Variants in HIPK3 observed in about 807,000 individuals in gnomAD.
HIPK3 encodes the protein homeodomain interacting protein kinase 3.
Under a neutral mutation model 124.2 loss-of-function variants are expected in HIPK3, and 47 were observed. That is an observed-to-expected ratio of 0.38 (90% confidence interval 0.30 to 0.48). The LOEUF is 0.48. Among genes scored for constraint, HIPK3 ranks in the 20% least tolerant of loss-of-function variants. HIPK3 has a pLI of 0.98. For missense variants in HIPK3, 1,286 were observed against 1,454.3 expected, an observed-to-expected ratio of 0.88 and a Z score of 1.88; for synonymous variants, 482 against 515.2, an observed-to-expected ratio of 0.94 and a Z score of 0.87.
At chr11:33,301,821 G>GACACACGCACACACACACACAC (rs1852007304) in intron 2 of HIPK3, among the ~76,000 whole-genome samples, 3 of 127,470 alleles carry the variant, frequency 2.4e-5, no homozygotes, top group Non-Finnish European at 5.0e-5. Flanking sequence ...AACCCTGTCT[G>GACACACGCACACACACACACAC]ACACACACAC....
At chr11:33,276,583 T>C (rs1167190440) in intron 1 of HIPK3, among the ~76,000 whole-genome samples, 1 of 152,240 alleles carries the variant, frequency 6.6e-6, no homozygotes, top group Non-Finnish European at 1.5e-5. Flanking sequence ...AGGTGACTGC[T>C]TCACTTTGGT....
At chr11:33,313,836 T>A (rs1181832261) in intron 2 of HIPK3, among the ~76,000 whole-genome samples, 1 of 152,154 alleles carries the variant, frequency 6.6e-6, no homozygotes, top group Non-Finnish European at 1.5e-5. Context: ...AATGTGTTTA[T>A]TTTATTTTTA....
chr11:33,298,303 A>G (rs1254779301), intron 2 of HIPK3, among the ~76,000 whole-genome samples: 2 of 152,210 alleles, frequency 1.3e-5, no homozygotes, highest in Non-Finnish European at 2.9e-5. Context: ...CATGCTGTTG[A>G]GACCTACTGC....
In HIPK3 at chr11:33,351,668, C is replaced by T; in HGVS notation, c.2868C>T (p.Asp956=). ...CGGTGGATGGCTCTCCGACATCTGA[C>T]TCTTCCGGGCATGACAGTCCATTTG... ...CDTVDGSPTS[D]SSGHDSPFAE... is the part of the protein sequence containing the mutation. The change falls in exon 15 of 17, where the codon GAC becomes GAT. Residue 956 remains aspartate (D), a synonymous_variant. Coordinates refer to ENST00000303296, the MANE Select transcript of HIPK3 (RefSeq NM_005734.5). 6.2e-7 allele frequency: 1 copy of T among 1,614,220 alleles called. No individual in the cohort carries two copies. The highest frequency in any genetic ancestry group is 8.5e-7 in the Non-Finnish European group (1 of 1,180,044).
Position 33,286,818 on chromosome 11 carries a change from A to G in HIPK3, c.404A>G (p.Asp135Gly). The change falls in exon 2 of 17, where the codon GAT becomes GGT. Residue 135 changes from aspartate (D) to glycine (G), a missense_variant. Asp to Gly is a moderately conservative substitution (Grantham distance 94). Coordinates refer to ENST00000303296, the MANE Select transcript of HIPK3 (RefSeq NM_005734.5). ...TTGAAGCGCAAGAGTGAGGAGTTGGATAATCATAGCAGCGCAATGCAGATT... is the reference window on the plus strand; with the variant it reads ...TTGAAGCGCAAGAGTGAGGAGTTGGGTAATCATAGCAGCGCAATGCAGATT... ...CGLKRKSEELDNHSSAMQIVD... is the reference protein window; with the variant it reads ...CGLKRKSEELGNHSSAMQIVD... 1 of 1,614,196 alleles carries G rather than the reference A, an allele frequency of 6.2e-7. No homozygotes were observed. The highest frequency in any genetic ancestry group is 8.5e-7 in the Non-Finnish European group (1 of 1,180,030).
intron 2 of HIPK3, among the ~76,000 whole-genome samples, chr11:33,327,028 A>C (rs918846843): frequency 6.6e-6 from 1 of 152,094 alleles, no homozygotes; most frequent in Non-Finnish European, 1.5e-5. Flanking sequence ...ATGGATTATA[A>C]CTCATTGAAC....
intron 3 of HIPK3, among the ~76,000 whole-genome samples, chr11:33,334,751 A>G (rs1005914065): frequency 1.3e-5 from 2 of 152,300 alleles, no homozygotes; most frequent in East Asian, 3.9e-4. Context: ...TTCTGGTTGG[A>G]CAAGCTTGCT....
chr11:33,351,992 A>G (rs1853676355), intron 15 of HIPK3, 146 bp from the exon 16 acceptor site: 2 of 997,860 alleles, frequency 2.0e-6, no homozygotes, highest in Non-Finnish European at 3.0e-6. Flanking sequence ...AGTATTATCC[A>G]GTGCTTGGAA....
Position 33,352,263 on chromosome 11 carries a change from C to A in HIPK3, c.3169C>A (p.Gln1057Lys). The A allele has an allele frequency of 6.2e-7, 1 of 1,613,746 alleles. No homozygotes were observed. Among genetic ancestry groups the A allele is most frequent in the South Asian group, 1.1e-5 (1 of 91,014 alleles). ...CCAGCAGCAGCATTTGAACTTCAGT[C>A]AGGTATGTTCATTTGTGGATATGTA... ...AFQQQHLNFS[Q>K]VQHFGSGHQE... Residue 1057 changes from glutamine (Q) to lysine (K), a missense_variant and splice_region_variant, in exon 16 of 17, where the codon CAG (glutamine) becomes AAG (lysine). Transcript: ENST00000303296.
intron 3 of HIPK3, among the ~76,000 whole-genome samples, chr11:33,328,873 A>G (rs2133968862): frequency 6.6e-6 from 1 of 152,340 alleles, no homozygotes; most frequent in South Asian, 2.1e-4. Flanking sequence ...GGAAAATTTT[A>G]TACTGTAAAC....
At chr11:33,319,687 T>TG (rs1260479006) in intron 2 of HIPK3, among the ~76,000 whole-genome samples, 6 of 152,230 alleles carry the variant, frequency 3.9e-5, no homozygotes, top group Admixed American at 3.3e-4. Flanking sequence ...GAATGAATGA[T>TG]GTATGCTATT....
intron 2 of HIPK3, among the ~76,000 whole-genome samples, chr11:33,296,925 C>G (rs536572054): frequency 1.3e-5 from 2 of 151,996 alleles, no homozygotes; most frequent in Middle Eastern, 3.2e-3. Flanking sequence ...TTAAGTTTAG[C>G]GAGGAAGGCG....
At position 33,301,446 on chromosome 11, in the gene HIPK3, G is replaced by GTTGA. The variant is rs912569052; in HGVS notation, c.1097+13946_1097+13949dup. Among the ~76,000 whole-genome samples, 16 of 152,046 alleles carry GTTGA rather than the reference G, an allele frequency of 1.1e-4. 1 individual carries two copies. Among genetic ancestry groups the GTTGA allele is most frequent in the Admixed American group, 7.2e-4 (11 of 15,258 alleles). ...TCCATTTTGGGTCTCCCATGTCCTTGTTGATTGATTGATTTCACCATGTGC... is the reference window on the plus strand; with the variant it reads ...TCCATTTTGGGTCTCCCATGTCCTTGTTGATTGATTGATTGATTTCACCATGTGC... On this transcript the variant is annotated intron_variant, in intron 2 of 16. Transcript: ENST00000303296.
intron 3 of HIPK3, among the ~76,000 whole-genome samples, chr11:33,333,297 A>T (rs1017562972): frequency 2.6e-5 from 4 of 152,152 alleles, no homozygotes; most frequent in African/African-American, 9.7e-5. Flanking sequence ...CTGGTACTGG[A>T]CCATCAGTGT....
chr11:33,341,157 G>C, intron 7 of HIPK3, 30 bp downstream of exon 7: 1 of 1,482,582 alleles, frequency 6.7e-7, no homozygotes, highest in Admixed American at 2.3e-5. Flanking sequence ...AATAACTTAG[G>C]GTCTTTTTTT....
At chr11:33,308,562 G>A (rs1001736247) in intron 2 of HIPK3, among the ~76,000 whole-genome samples, 14 of 151,444 alleles carry the variant, frequency 9.2e-5, no homozygotes, top group Middle Eastern at 3.4e-3. Context: ...TGCATTTAGG[G>A]TTTTTCTTTG....
intron 6 of HIPK3, among the ~76,000 whole-genome samples, chr11:33,340,629 A>G (rs1052072307): frequency 6.6e-6 from 1 of 152,044 alleles, no homozygotes; most frequent in Non-Finnish European, 1.5e-5. Context: ...CATGATAGCA[A>G]CTCTTTGGTA....
At chr11:33,275,273 C>T (rs947164043) in intron 1 of HIPK3, among the ~76,000 whole-genome samples, 2 of 151,960 alleles carry the variant, frequency 1.3e-5, no homozygotes, top group Admixed American at 1.3e-4. Context: ...CTCCTGACCT[C>T]GTGATCCGCC....
At chr11:33,303,686 A>G (rs1852069491) in intron 2 of HIPK3, among the ~76,000 whole-genome samples, 1 of 152,192 alleles carries the variant, frequency 6.6e-6, no homozygotes. Context: ...CTGTGAATGG[A>G]ATTCAGCACG....
Sources: allele counts gnomAD v4.1 joint callset (sites outside exome capture counted in the v4.1 genomes callset), GRCh38; gene constraint gnomAD v4.1.1; transcripts MANE v1.5; gene names NCBI Gene and HGNC (gene_info 2026-07-23, HGNC 2026-07-21).